MYRFL: variants seen among roughly 807,000 people sequenced by gnomAD.
The protein encoded by MYRFL is myelin regulatory factor like.
In MYRFL, 88 loss-of-function variants were observed where a neutral mutation model predicts 109.4. That is an observed-to-expected ratio of 0.80 (90% CI 0.68 to 0.96). The LOEUF (loss-of-function observed/expected upper bound fraction) is 0.96. Among genes scored for constraint, MYRFL ranks in the 40% least tolerant of loss-of-function variants. The pLI, the probability that MYRFL is intolerant of heterozygous loss-of-function variation, is 0.00. For missense variants in MYRFL, 957 were observed against 954.9 expected (o/e 1.00, Z -0.03); for synonymous variants, 324 against 320.9 (o/e 1.01, Z -0.10).
chr12:69,919,985 G>C (rs1402637262), intron 13 of MYRFL, among the ~76,000 whole-genome samples: 1 of 152,204 alleles, frequency 6.6e-6, no homozygotes, highest in African/African-American at 2.4e-5. Context: ...CTTCCAAAGA[G>C]AGGAGAAATC....
At chr12:69,889,103 T>G (rs773376821) in intron 6 of MYRFL, among the ~76,000 whole-genome samples, 2 of 152,086 alleles carry the variant, frequency 1.3e-5, no homozygotes, top group Non-Finnish European at 2.9e-5. Flanking sequence ...TTAGAAACTC[T>G]TGTGTTATTC....
At chr12:69,845,466 G>A (rs578114411) in intron 1 of MYRFL, among the ~76,000 whole-genome samples, 167 of 152,294 alleles carry the variant, frequency 1.1e-3, no homozygotes, top group African/African-American at 3.8e-3. Flanking sequence ...AATCACTCCT[G>A]TGAATCCAGG....
At chr12:69,829,909 G>A (rs954070044) in intron 1 of MYRFL, among the ~76,000 whole-genome samples, 1 of 152,108 alleles carries the variant, frequency 6.6e-6, no homozygotes, top group East Asian at 1.9e-4. Context: ...TGCTGGCACT[G>A]GGCAAGTCTG....
intron 13 of MYRFL, among the ~76,000 whole-genome samples, chr12:69,925,147 C>T (rs1487198718): frequency 1.3e-5 from 2 of 152,042 alleles, no homozygotes; most frequent in African/African-American, 4.8e-5. Context: ...TGGGGAGATA[C>T]TGGGTATGAT....
At chr12:69,897,064 T>G (rs1954020271) in intron 9 of MYRFL, 92 bp from the exon 10 acceptor site, 1 of 846,682 alleles carries the variant, frequency 1.2e-6, no homozygotes, top group Non-Finnish European at 1.9e-6. Flanking sequence ...CTCGATAAGT[T>G]CACTATTGAT....
At chr12:69,880,321 G>A (rs7310544) in intron 5 of MYRFL, 29 bp downstream of exon 5, 303,942 of 698,418 alleles carry the variant, frequency 0.44, 68,362 homozygotes, top group Non-Finnish European at 0.48. Flanking sequence ...GAACAAGGGC[G>A]ATGCCATCAA....
intron 1 of MYRFL, among the ~76,000 whole-genome samples, chr12:69,846,511 A>G (rs1883556112): frequency 6.6e-6 from 1 of 151,976 alleles, no homozygotes; most frequent in Non-Finnish European, 1.5e-5. Context: ...CCATGTCCCT[A>G]CAAAGGACAT....
intron 2 of MYRFL, among the ~76,000 whole-genome samples, chr12:69,865,211 C>T (rs1884945803): frequency 6.6e-6 from 1 of 152,138 alleles, no homozygotes; most frequent in African/African-American, 2.4e-5. Flanking sequence ...CCCAGAGACT[C>T]AGGGAAAACT....
intron 23 of MYRFL, 138 bp downstream of exon 23, chr12:69,958,080 T>G: frequency 5.5e-6 from 7 of 1,279,028 alleles, no homozygotes; most frequent in Non-Finnish European, 4.2e-6. Flanking sequence ...AGTTGCCTTC[T>G]AAGGCAACTT....
rs77713217 is a variant in MYRFL, at chr12:69,925,687, A to G, written c.1603-884A>G. ...GACAACTGAAGTGTGTGGGTGGGGA[A>G]GAGGATGGCCTGGACTCTCTGGGTT... On this transcript the variant is annotated intron_variant, in intron 13 of 24. Transcript: ENST00000552032. Among the ~76,000 whole-genome samples, 430 of 152,302 alleles carry G rather than the reference A, an allele frequency of 2.8e-3. 1 individual carries two copies. Among genetic ancestry groups the G allele is most frequent in the Non-Finnish European group, 4.6e-3 (315 of 68,022 alleles).
At chr12:69,908,386 T>G (rs1954445276) in intron 11 of MYRFL, among the ~76,000 whole-genome samples, 1 of 152,216 alleles carries the variant, frequency 6.6e-6, no homozygotes, top group Non-Finnish European at 1.5e-5. Flanking sequence ...TGCCTAGACT[T>G]GGAGGTCAAG....
In MYRFL at chr12:69,910,944, A is replaced by T. The variant is rs1466858295; in HGVS notation, c.1602+14A>T. ...ATGGTGGATAAGGTAATCACTGAAAAGATATCAGCTGCTATAAGCTATCAG... is the reference window on the plus strand; with the variant it reads ...ATGGTGGATAAGGTAATCACTGAAATGATATCAGCTGCTATAAGCTATCAG... On this transcript the variant is annotated intron_variant, in intron 13 of 24. Transcript: ENST00000552032. 2 of 1,506,640 alleles carry T rather than the reference A, an allele frequency of 1.3e-6. No individual in the cohort carries two copies. Among genetic ancestry groups the T allele is most frequent in the Admixed American group, 3.9e-5 (2 of 50,876 alleles). The allele number at this position is 1,506,640 out of a possible 1,614,324, so 93.3% of individuals were successfully genotyped here.
intron 15 of MYRFL, among the ~76,000 whole-genome samples, chr12:69,932,054 T>A (rs1955289307): frequency 6.6e-6 from 1 of 152,214 alleles, no homozygotes; most frequent in South Asian, 2.1e-4. Context: ...TTTCATTCTA[T>A]AAAAACCTTT....
chr12:69,861,348 G>A (rs1328387661), intron 2 of MYRFL, among the ~76,000 whole-genome samples: 2 of 152,166 alleles, frequency 1.3e-5, no homozygotes, highest in African/African-American at 2.4e-5. Context: ...GGATGAACTA[G>A]TTTACATTCC....
chr12:69,865,551 A>G (rs1407771428), intron 2 of MYRFL, among the ~76,000 whole-genome samples: 1 of 152,098 alleles, frequency 6.6e-6, no homozygotes, highest in Non-Finnish European at 1.5e-5. Context: ...GAGGGAGAAA[A>G]GGGGGTGAGA....
At chr12:69,936,255 C>A in intron 17 of MYRFL, 28 bp from the exon 18 acceptor site, 1 of 1,535,862 alleles carries the variant, frequency 6.5e-7, no homozygotes, top group South Asian at 1.2e-5. Flanking sequence ...AGCCCTCTTT[C>A]ATTAATCATT....
intron 7 of MYRFL, among the ~76,000 whole-genome samples, chr12:69,891,637 T>TCTCTTTCTTTCTTTC (rs1886856788): frequency 1.9e-5 from 1 of 53,788 alleles, no homozygotes. Context: ...CTTCCTTTCT[T>TCTCTTTCTTTCTTTC]TTTCTTTCTT....
At chr12:69,919,703 C>T (rs1392863656) in intron 13 of MYRFL, among the ~76,000 whole-genome samples, 2 of 152,182 alleles carry the variant, frequency 1.3e-5, no homozygotes, top group Non-Finnish European at 2.9e-5. Flanking sequence ...AAACAATTGC[C>T]AGACACACCC....
At chr12:69,828,088 C>A (rs1882399514) in intron 1 of MYRFL, among the ~76,000 whole-genome samples, 1 of 151,990 alleles carries the variant, frequency 6.6e-6, no homozygotes, top group Non-Finnish European at 1.5e-5. Flanking sequence ...GTTTAAGATC[C>A]ATGTGTCAAG....
Sources: gnomAD v4.1 joint callset for allele counts (sites outside exome capture counted in the v4.1 genomes callset) on GRCh38, gnomAD v4.1.1 for gene constraint, MANE v1.5 for transcripts, NCBI Gene and HGNC (gene_info 2026-07-23, HGNC 2026-07-21) for gene names.